The following KALRN variants were observed in gnomAD, a reference collection of about 807,000 sequenced individuals.
KALRN encodes kalirin.
A neutral mutation model predicts 353.7 loss-of-function variants in KALRN; 70 were observed. The ratio of observed to expected loss-of-function variants is 0.20; its 90% CI spans 0.16 to 0.24. The LOEUF is 0.24. Ranked by LOEUF, KALRN falls within the 10% of genes least tolerant of loss-of-function variation. KALRN has a pLI of 1.00. For missense variants in KALRN, 2,791 were observed against 3,756.7 expected (o/e 0.74, Z 6.72); for synonymous variants, 1,391 against 1,434.8 (o/e 0.97, Z 0.69).
chr3:124,409,534 C>T (rs982178942), intron 13 of KALRN, among the ~76,000 whole-genome samples: 3 of 152,210 alleles, frequency 2.0e-5, no homozygotes, highest in South Asian at 2.1e-4. Flanking sequence ...AGGACAAGGG[C>T]GTTTCAGGGC....
intron 3 of KALRN, among the ~76,000 whole-genome samples, chr3:124,246,752 T>C (rs773030659): frequency 6.6e-6 from 1 of 152,166 alleles, no homozygotes; most frequent in African/African-American, 2.4e-5. Flanking sequence ...TCACCTTGAT[T>C]AGGTCAACTT....
intron 2 of KALRN, among the ~76,000 whole-genome samples, chr3:124,234,450 C>T (rs2079523667): frequency 6.6e-6 from 1 of 152,158 alleles, no homozygotes; most frequent in African/African-American, 2.4e-5. Flanking sequence ...AAGAACATAG[C>T]ACTTTCCACC....
chr3:124,536,535 A>G (rs1025911182), intron 33 of KALRN, among the ~76,000 whole-genome samples: 3 of 152,208 alleles, frequency 2.0e-5, no homozygotes, highest in African/African-American at 7.2e-5. Flanking sequence ...AAAAATTGCT[A>G]GTAGCAATCC....
intron 34 of KALRN, among the ~76,000 whole-genome samples, chr3:124,599,438 C>T (rs1266214266): frequency 1.3e-5 from 2 of 152,116 alleles, no homozygotes; most frequent in Non-Finnish European, 2.9e-5. Flanking sequence ...CACTGGGATC[C>T]AGATTAAAAG....
intron 9 of KALRN, among the ~76,000 whole-genome samples, chr3:124,340,196 C>A (rs1477397464): frequency 3.9e-5 from 6 of 152,082 alleles, no homozygotes; most frequent in African/African-American, 1.4e-4. Flanking sequence ...GAGTGGAGAG[C>A]TGAATGAATG....
At chr3:124,580,944 T>C (rs564133200) in intron 34 of KALRN, among the ~76,000 whole-genome samples, 105 of 150,198 alleles carry the variant, frequency 7.0e-4, no homozygotes, top group African/African-American at 2.5e-3. Context: ...CCTGTCTCTA[T>C]TAAAATAATA....
At chr3:124,495,963 ATG>A (rs1361703467) in intron 32 of KALRN, among the ~76,000 whole-genome samples, 1,485 of 26,070 alleles carry the variant, frequency 0.057, 118 homozygotes, top group African/African-American at 0.11. Flanking sequence ...ATGTGTATGT[ATG>A]TATATATATA....
intron 1 of KALRN, among the ~76,000 whole-genome samples, chr3:124,148,543 C>T (rs949671905): frequency 3.3e-5 from 5 of 152,164 alleles, no homozygotes; most frequent in Admixed American, 6.5e-5. Context: ...TTCTTTCAGG[C>T]AGCATTTGGC....
At chr3:124,670,757 C>T (rs777359884) in intron 47 of KALRN, among the ~76,000 whole-genome samples, 2 of 152,184 alleles carry the variant, frequency 1.3e-5, no homozygotes, top group Non-Finnish European at 2.9e-5. Flanking sequence ...ATGACATTTG[C>T]CTGGCTCTCC....
intron 33 of KALRN, among the ~76,000 whole-genome samples, chr3:124,517,760 T>C (rs2066782919): frequency 1.3e-5 from 2 of 152,138 alleles, no homozygotes; most frequent in Non-Finnish European, 2.9e-5. Flanking sequence ...AAATTACAGA[T>C]TGTCACCTGT....
intron 1 of KALRN, among the ~76,000 whole-genome samples, chr3:124,190,271 T>C (rs181790174): frequency 6.6e-6 from 1 of 152,268 alleles, no homozygotes; most frequent in Admixed American, 6.5e-5. Context: ...GGCCCCCCAC[T>C]GCTCCCCTGA....
At chr3:124,312,600 A>G (rs1393064362) in intron 6 of KALRN, among the ~76,000 whole-genome samples, 1 of 152,260 alleles carries the variant, frequency 6.6e-6, no homozygotes, top group Non-Finnish European at 1.5e-5. Flanking sequence ...GGGAATGGCC[A>G]TGACAGAGTG....
chr3:124,349,318 G>A (rs2082603005), intron 10 of KALRN, among the ~76,000 whole-genome samples: 1 of 152,244 alleles, frequency 6.6e-6, no homozygotes, highest in African/African-American at 2.4e-5. Context: ...GAGGCTGGGG[G>A]AAGGGAGGAA....
At chr3:124,452,537 A>G (rs6783842) in intron 21 of KALRN, among the ~76,000 whole-genome samples, 5,620 of 152,142 alleles carry the variant, frequency 0.037, 209 homozygotes, top group East Asian at 0.084. Flanking sequence ...AGAGGAGAGG[A>G]AAAAGGGCAT....
At chr3:124,074,970 T>C (rs1231689720) in intron 1 of KALRN, among the ~76,000 whole-genome samples, 3 of 152,232 alleles carry the variant, frequency 2.0e-5, no homozygotes, top group African/African-American at 7.2e-5. Context: ...AGATTTTTAT[T>C]AGTTCGCATT....
intron 1 of KALRN, among the ~76,000 whole-genome samples, chr3:124,121,407 A>C (rs1171715380): frequency 2.0e-5 from 3 of 152,226 alleles, no homozygotes; most frequent in Admixed American, 6.5e-5. Context: ...GAAGAAGTCA[A>C]GCTTGAGTTA....
intron 34 of KALRN, among the ~76,000 whole-genome samples, chr3:124,632,134 A>T (rs957381590): frequency 3.3e-5 from 5 of 152,130 alleles, no homozygotes; most frequent in Admixed American, 3.3e-4. Flanking sequence ...TTTATAGTCT[A>T]TTATATGTGT....
At chr3:124,068,881 A>T (rs2042598276) in intron 1 of KALRN, among the ~76,000 whole-genome samples, 1 of 152,176 alleles carries the variant, frequency 6.6e-6, no homozygotes, top group South Asian at 2.1e-4. Context: ...TTTCCACTGG[A>T]TGCATGAGGT....
chr3:124,608,207 A>G (rs1451067432), intron 34 of KALRN, among the ~76,000 whole-genome samples: 5 of 151,254 alleles, frequency 3.3e-5, no homozygotes, highest in African/African-American at 1.2e-4. Context: ...GGGTTTCACC[A>G]TGTTGCCCAG....
Sources: gnomAD v4.1 joint callset for allele counts (sites outside exome capture counted in the v4.1 genomes callset) on GRCh38, gnomAD v4.1.1 for gene constraint, MANE v1.5 for transcripts, NCBI Gene and HGNC (gene_info 2026-07-23, HGNC 2026-07-21) for gene names.